Variants in CRACDL observed in about 807,000 individuals in gnomAD.
CRACDL encodes the protein CRACD like.
A neutral mutation model predicts 70.6 loss-of-function variants in CRACDL; 26 were observed. The observed-to-expected ratio is 0.37, with a 90% CI of 0.27 to 0.51. The LOEUF is 0.51. CRACDL is among the 20% of genes least tolerant of loss of function. CRACDL has a pLI of 0.94. For synonymous variants in CRACDL, 618 were observed against 615.2 expected (o/e 1.00, Z -0.07); for missense variants, 1,283 against 1,376.9 (o/e 0.93, Z 1.08).
intron 7 of CRACDL, among the ~76,000 whole-genome samples, chr2:98,801,093 C>T (rs1257853921): frequency 2.0e-5 from 3 of 152,202 alleles, no homozygotes; most frequent in Non-Finnish European, 4.4e-5. Context: ...CACCATTTCT[C>T]TCCTTTTTGG....
At chr2:98,810,925 A>G (rs1406467642) in intron 7 of CRACDL, among the ~76,000 whole-genome samples, 2 of 152,018 alleles carry the variant, frequency 1.3e-5, no homozygotes, top group African/African-American at 4.8e-5. Flanking sequence ...GAACACATAC[A>G]GTGTAACCCT....
intron 1 of CRACDL, among the ~76,000 whole-genome samples, chr2:98,878,656 A>G (rs1419337376): frequency 1.3e-5 from 2 of 152,248 alleles, no homozygotes. Context: ...GTTAACCAAC[A>G]TATGAAACAG....
intron 1 of CRACDL, among the ~76,000 whole-genome samples, chr2:98,873,614 G>A (rs193281208): frequency 2.0e-5 from 3 of 152,318 alleles, no homozygotes; most frequent in Admixed American, 6.5e-5. Context: ...TTAGCCCACC[G>A]CCCCTCTAAG....
intron 1 of CRACDL, among the ~76,000 whole-genome samples, chr2:98,909,904 G>A (rs1436957685): frequency 2.0e-5 from 3 of 152,220 alleles, no homozygotes; most frequent in Non-Finnish European, 4.4e-5. Context: ...AATGGGTAGC[G>A]GGGCTTGGGC....
At chr2:98,803,000 T>TTTA (rs1475191635) in intron 7 of CRACDL, among the ~76,000 whole-genome samples, 2 of 129,598 alleles carry the variant, frequency 1.5e-5, no homozygotes, top group Admixed American at 7.7e-5. Flanking sequence ...ATGCCTGGCT[T>TTTA]TTTTTTTTTT....
At chr2:98,853,059 G>T (rs541998634) in intron 1 of CRACDL, among the ~76,000 whole-genome samples, 8 of 136,720 alleles carry the variant, frequency 5.9e-5, no homozygotes, top group Non-Finnish European at 1.3e-4. Flanking sequence ...GGGAAGGGGG[G>T]GCATTAAAAA....
intron 1 of CRACDL, among the ~76,000 whole-genome samples, chr2:98,873,210 A>T (rs1573120975): frequency 6.6e-6 from 1 of 152,348 alleles, no homozygotes; most frequent in Non-Finnish European, 1.5e-5. Flanking sequence ...CACTGCTGGG[A>T]ACAAGATCTC....
At chr2:98,796,016 G>C (rs1703802383) in intron 9 of CRACDL, 104 bp downstream of exon 9, 1 of 1,049,646 alleles carries the variant, frequency 9.5e-7, no homozygotes, top group South Asian at 1.3e-5. Context: ...AAAACTCAAT[G>C]TTGCAAGTAA....
intron 7 of CRACDL, among the ~76,000 whole-genome samples, chr2:98,811,441 C>T (rs1385874783): frequency 3.6e-5 from 5 of 137,938 alleles, no homozygotes; most frequent in South Asian, 2.4e-4. Flanking sequence ...ATCTGGGAGG[C>T]GGAGGCTGCA....
Position 98,859,655 on chromosome 2 carries a change from T to A in CRACDL, c.-10-12845A>T, listed in dbSNP as rs1706855230. On this transcript the variant is annotated intron_variant, in intron 1 of 9. Transcript: ENST00000397899. ...AACAAACTAGGAATTGACAAACGCT[T>A]CCTCAGCATGACAAAGGGCATCTAT... Among the ~76,000 whole-genome samples the A allele has an allele frequency of 2.0e-5, 3 of 152,252 alleles. No individual in the cohort carries two copies. The South Asian group carries it at 6.2e-4, about 32-fold the overall frequency.
rs750433679 is a variant in CRACDL, at chr2:98,822,291, G to C, written c.1982C>G (p.Pro661Arg). ...GGCTGGGCAGGGCTCTCTCGTGCCG[G>C]GCGCGGCGGCCGCCTCCTGAGGGCT... ...RKSPQEAAAA[P>R]GTREPCPAAQ... Residue 661 changes from proline to arginine, a missense_variant, in exon 7 of 10, where the codon CCC becomes CGC. Coordinates refer to ENST00000397899, the MANE Select transcript of CRACDL (RefSeq NM_207362.3). This position sits in a 1 kb window ranked among gnomAD's most constrained non-coding sequence, Gnocchi z 4.9. 6.5e-7 allele frequency: 1 copy of C among 1,544,254 alleles called. No homozygotes were observed. The highest frequency in any genetic ancestry group is 8.7e-7 in the Non-Finnish European group (1 of 1,155,776).
rs1575346492 is a variant in CRACDL at position 98,821,982 on chromosome 2, C to T, written c.2291G>A (p.Arg764Gln). Residue 764 changes from arginine (R) to glutamine (Q), a missense_variant, in exon 7 of 10, where the codon CGG (arginine) becomes CAG (glutamine). Around this residue, in one of 2 missense-constraint regions of CRACDL, gnomAD observed 921 missense variants for 881.9 expected, o/e 1.04. Coordinates refer to ENST00000397899, the MANE Select transcript of CRACDL (RefSeq NM_207362.3). ...EPLSSKPPLP[R>Q]KPLLQSFTLP... The stretch of plus-strand genomic sequence containing the variant: ...CGTGAAGCTCTGCAGAAGCGGCTTC[C>T]GGGGCAGGGGCGGCTTGGAGCTGAG... The T allele has an allele frequency of 3.3e-6, 5 of 1,530,052 alleles. No individual in the cohort carries two copies. The highest frequency in any genetic ancestry group is 4.4e-6 in the Non-Finnish European group (5 of 1,139,368). 94.8% of individuals were successfully genotyped at this position (1,530,052 alleles called of 1,614,324 possible). A position where few individuals can be genotyped will look rare whatever the true frequency, so the allele number is the denominator to read the frequency against.
intron 8 of CRACDL, among the ~76,000 whole-genome samples, chr2:98,796,819 G>C (rs188054294): frequency 2.0e-5 from 3 of 152,246 alleles, no homozygotes; most frequent in Admixed American, 1.3e-4. Context: ...ATAGTTGTTT[G>C]GGTTGGTGAA....
In CRACDL at chr2:98,797,409, C is replaced by T. The variant is rs78620498; in HGVS notation, c.2545G>A (p.Gly849Arg). Residue 849 changes from glycine (G) to arginine (R), a missense_variant, in exon 8 of 10, where the codon GGG (glycine) becomes AGG (arginine). Around this residue, in one of 2 missense-constraint regions of CRACDL, gnomAD observed 921 missense variants for 881.9 expected, o/e 1.04. Coordinates refer to ENST00000397899, the MANE Select transcript of CRACDL (RefSeq NM_207362.3). ...DQPPNQEDKPGARTLKSEPGK... is the reference protein window; with the variant it reads ...DQPPNQEDKPRARTLKSEPGK... ...GGTTCAGACTTCAGGGTCCGTGCCC[C>T]AGGCTTGTCTTCCTGGTTGGGTGGC... is the stretch of plus-strand genomic sequence containing the variant. 1.9e-6 allele frequency: 3 copies of T among 1,614,226 alleles called. No individual in the cohort carries two copies. The highest frequency in any genetic ancestry group is 1.3e-5 in the African/African-American group (1 of 75,056).
intron 7 of CRACDL, among the ~76,000 whole-genome samples, chr2:98,807,119 G>C (rs911207236): frequency 1.5e-4 from 23 of 152,120 alleles, no homozygotes; most frequent in Non-Finnish European, 2.5e-4. Context: ...CCCCATTTTG[G>C]ATATGGGACC....
chr2:98,936,190 C>G lies in CRACDL; in HGVS notation c.-263G>C, dbSNP rs1481153393. 2.7e-5 allele frequency: 4 copies of G among 150,450 alleles called. No homozygotes were observed. The highest frequency in any genetic ancestry group is 9.7e-5 in the African/African-American group (4 of 41,260). 9.3% of individuals were successfully genotyped at this position (150,450 alleles called of 1,614,324 possible). ...CGGCGCGCTCCCAGCTCCCAGCTCC[C>G]AGCTGCAGGCGCGCCGGCTTCGCTC... On this transcript the variant is annotated 5_prime_UTR_variant, in exon 1 of 10. Transcript: ENST00000397899.
intron 1 of CRACDL, among the ~76,000 whole-genome samples, chr2:98,919,079 C>T: frequency 6.6e-6 from 1 of 152,248 alleles, no homozygotes; most frequent in East Asian, 1.9e-4. Context: ...ACATTTGAGT[C>T]TTTAATCCAT....
intron 1 of CRACDL, among the ~76,000 whole-genome samples, chr2:98,872,811 T>C (rs1195877646): frequency 6.6e-6 from 1 of 152,136 alleles, no homozygotes; most frequent in East Asian, 1.9e-4. Context: ...CGTTTTTATT[T>C]TCGTAAAGCT....
intron 7 of CRACDL, among the ~76,000 whole-genome samples, chr2:98,821,341 G>C (rs1705017957): frequency 6.6e-6 from 1 of 152,038 alleles, no homozygotes; most frequent in Non-Finnish European, 1.5e-5. Flanking sequence ...TCATTACCAC[G>C]CCTGGCCAGT....
Sources: gnomAD v4.1 joint callset for allele counts (sites outside exome capture counted in the v4.1 genomes callset) on GRCh38, gnomAD v4.1.1 for gene constraint, gnomAD v4.1.1 regional missense constraint, Gnocchi (gnomAD v3.1) non-coding constraint, MANE v1.5 for transcripts, NCBI Gene and HGNC (gene_info 2026-07-23, HGNC 2026-07-21) for gene names.